The following HSPD1 variants were observed in gnomAD, a reference collection of about 807,000 sequenced individuals.
HSPD1 encodes 60 kDa heat shock protein, mitochondrial.
Under a neutral mutation model 53.0 loss-of-function variants are expected in HSPD1, and 3 were observed. The ratio of observed to expected loss-of-function variants is 0.06; its 90% CI spans 0.03 to 0.15. HSPD1 has a LOEUF of 0.15. Ranked by LOEUF, HSPD1 falls within the 10% of genes least tolerant of loss-of-function variation. The pLI is 1.00. For synonymous variants in HSPD1, 200 were observed against 228.0 expected, an observed-to-expected ratio of 0.88 and a Z score of 1.10; for missense variants, 431 against 694.1, an observed-to-expected ratio of 0.62 and a Z score of 4.26.
chr2:197,494,759 T>C lies in HSPD1; in HGVS notation c.511-7A>G, dbSNP rs751941428. On this transcript the variant is annotated splice_region_variant and splice_polypyrimidine_tract_variant and intron_variant, in intron 4 of 11. Coordinates refer to ENST00000388968, the MANE Select transcript of HSPD1 (RefSeq NM_002156.5). ...TTGCAGAAATCGTAGCAACCTGAAA[T>C]AATCCAGTTACTCTTCGAAATTAAA... The C allele has an allele frequency of 1.9e-6, 3 of 1,581,184 alleles. No homozygotes were observed. Among genetic ancestry groups the C allele is most frequent in the Non-Finnish European group, 8.7e-7 (1 of 1,150,246 alleles).
intron 9 of HSPD1, 143 bp from the exon 10 acceptor site, chr2:197,488,634 T>G: frequency 1.2e-6 from 1 of 806,850 alleles, no homozygotes; most frequent in Non-Finnish European, 2.2e-6. Flanking sequence ...TTTGGGAGGC[T>G]GAGGTGAGTG....
At position 197,497,318 on chromosome 2, in the gene HSPD1, T is replaced by C. The variant is rs1365111087; in HGVS notation, c.249A>G (p.Ser83=). 1.9e-6 allele frequency: 3 copies of C among 1,613,370 alleles called. No homozygotes were observed. The highest frequency in any genetic ancestry group is 1.7e-5 in the Admixed American group (1 of 60,018). The change falls in exon 3 of 12, where the codon TCA becomes TCG. Residue 83 remains serine, a synonymous_variant. Transcript: ENST00000388968. ...TTTTGTATTTATCTTTTAAGTCAATTGACTTTGCAACAGTCACACCATCTT... is the reference window on the plus strand; with the variant it reads ...TTTTGTATTTATCTTTTAAGTCAATCGACTTTGCAACAGTCACACCATCTT... ...VTKDGVTVAK[S]IDLKDKYKNI... is the part of the protein sequence containing the mutation.
chr2:197,495,686 T>C (rs1484190446), intron 3 of HSPD1, among the ~76,000 whole-genome samples: 1 of 152,098 alleles, frequency 6.6e-6, no homozygotes, highest in Non-Finnish European at 1.5e-5. Flanking sequence ...CTTGAACTCC[T>C]GGGCTCAAGC....
chr2:197,489,681 G>T (rs1011186176), intron 8 of HSPD1, among the ~76,000 whole-genome samples: 3 of 151,968 alleles, frequency 2.0e-5, no homozygotes, highest in African/African-American at 7.3e-5. Context: ...AATACAGTGA[G>T]ACCCGTCATT....
intron 7 of HSPD1, among the ~76,000 whole-genome samples, chr2:197,490,831 T>C (rs2106073137): frequency 6.6e-6 from 1 of 152,340 alleles, no homozygotes; most frequent in South Asian, 2.1e-4. Flanking sequence ...TGAGGGTCAT[T>C]TAATAAACAT....
intron 7 of HSPD1, 48 bp from the exon 8 acceptor site, chr2:197,490,344 A>G (rs1368244225): frequency 7.4e-7 from 1 of 1,359,846 alleles, no homozygotes. Context: ...AAAAATGCCT[A>G]TCTGTTTAAT....
chr2:197,495,359 C>G lies in HSPD1; in HGVS notation c.445G>C (p.Asp149His), dbSNP rs781225976. The change falls in exon 4 of 12, where the codon GAT (aspartate) becomes CAT (histidine). Residue 149 changes from aspartate (D) to histidine (H), a missense_variant. Physicochemically the swap from Asp to His is moderately conservative, Grantham distance 81. This residue lies in a region of HSPD1 where 386 missense variants were observed against 657.6 expected (regional missense o/e 0.59). Transcript: ENST00000388968. Reference protein sequence around the residue: ...EIRRGVMLAVDAVIAELKKQS... With the variant: ...EIRRGVMLAVHAVIAELKKQS... ...TTTTTAAGTTCAGCAATTACAGCAT[C>G]AACAGCTAACATCACACCTAGTTCA... is the stretch of plus-strand genomic sequence containing the variant. 1 of 1,605,470 alleles carries G rather than the reference C, an allele frequency of 6.2e-7. No individual in the cohort carries two copies.
rs766238588 is a variant in HSPD1, at chr2:197,490,330, A to T, written c.870-34T>A. ...AATAGTTGATAGTAAGATTTAAATG[A>T]AATAAAAATGCCTATCTGTTTAATT... On this transcript the variant is annotated intron_variant, in intron 7 of 11. Coordinates refer to ENST00000388968, the MANE Select transcript of HSPD1 (RefSeq NM_002156.5). 9 of 1,479,088 alleles carry T rather than the reference A, an allele frequency of 6.1e-6. No individual in the cohort carries two copies. The East Asian group carries it at 9.0e-5, about 15-fold the overall frequency. The allele number at this position is 1,479,088 out of a possible 1,614,324, so 91.6% of individuals were successfully genotyped here. A position where few individuals can be genotyped will look rare whatever the true frequency, so the allele number is the denominator to read the frequency against.
rs367646361 is a variant in HSPD1 at position 197,493,520 on chromosome 2, T to C, written c.701-28A>G. 7.7e-6 allele frequency: 12 copies of C among 1,554,142 alleles called. No homozygotes were observed. The Middle Eastern group carries it at 1.2e-3, about 152-fold the overall frequency. On this transcript the variant is annotated intron_variant, in intron 6 of 11. Transcript: ENST00000388968. ...GTAAAAATAATGAAGATTTCAAAAA[T>C]ATACAAAAAATGACTGCAATACATT...
rs1410330375 is a variant in HSPD1, at chr2:197,493,414, G to C, written c.779C>G (p.Ala260Gly). 1 of 1,612,906 alleles carries C rather than the reference G, an allele frequency of 6.2e-7. No homozygotes were observed. Among genetic ancestry groups the C allele is most frequent in the Admixed American group, 1.7e-5 (1 of 59,980 alleles). Residue 260 changes from alanine (A) to glycine (G), a missense_variant, in exon 7 of 12, where the codon GCT becomes GGT. Ala to Gly is a moderately conservative substitution (Grantham distance 60). Coordinates refer to ENST00000388968, the MANE Select transcript of HSPD1 (RefSeq NM_002156.5). ...KISSIQSIVPALEIANAHRKP... is the reference protein window; with the variant it reads ...KISSIQSIVPGLEIANAHRKP... ...ACGGTGAGCATTGGCAATTTCAAGAGCAGGTACAATGGACTGGATACTAGA... is the reference window on the plus strand; with the variant it reads ...ACGGTGAGCATTGGCAATTTCAAGACCAGGTACAATGGACTGGATACTAGA...
chr2:197,487,433 G>C (rs1276909709), intron 11 of HSPD1, among the ~76,000 whole-genome samples: 1 of 152,134 alleles, frequency 6.6e-6, no homozygotes, highest in East Asian at 1.9e-4. Context: ...TGTAATCCCA[G>C]CTACTCAGGA....
intron 7 of HSPD1, 69 bp from the exon 8 acceptor site, chr2:197,490,365 C>A: frequency 8.3e-7 from 1 of 1,211,458 alleles, no homozygotes; most frequent in South Asian, 1.2e-5. Flanking sequence ...TCCCCTCAAG[C>A]TGTTACTAGA....
At chr2:197,490,413 G>GTA in intron 7 of HSPD1, 117 bp from the exon 8 acceptor site, 4 of 766,292 alleles carry the variant, frequency 5.2e-6, no homozygotes, top group Admixed American at 2.5e-5. Flanking sequence ...TTTGGTTTTT[G>GTA]TGTTTTTTTG....
At chr2:197,499,235 A>G (rs890887570) in intron 1 of HSPD1, 2 of 340,050 alleles carry the variant, frequency 5.9e-6, no homozygotes, top group South Asian at 5.1e-5. Context: ...CCAAGTGACC[A>G]GGGAAGTTAA....
At chr2:197,498,944 G>C (rs1394028760) in intron 1 of HSPD1, 94 bp from the exon 2 acceptor site, 4 of 1,155,166 alleles carry the variant, frequency 3.5e-6, no homozygotes, top group Admixed American at 2.0e-5. Flanking sequence ...AGCAACGTGA[G>C]ATGCTGAGCC....
At chr2:197,497,099 AC>A in intron 3 of HSPD1, 40 bp downstream of exon 3, 2 of 1,602,478 alleles carry the variant, frequency 1.2e-6, no homozygotes, top group Non-Finnish European at 1.7e-6. Flanking sequence ...CTTAAAGCAC[AC>A]TGAAGTTTAG....
At chr2:197,490,346 C>G in intron 7 of HSPD1, 50 bp from the exon 8 acceptor site, 2 of 1,341,828 alleles carry the variant, frequency 1.5e-6, no homozygotes, top group Non-Finnish European at 2.1e-6. Flanking sequence ...AAATGCCTAT[C>G]TGTTTAATTC....
chr2:197,488,176 A>G, intron 10 of HSPD1, 140 bp from the exon 11 acceptor site: 1 of 995,756 alleles, frequency 1.0e-6, no homozygotes, highest in Non-Finnish European at 1.6e-6. Flanking sequence ...GATGTGATGC[A>G]TGTTTAGCTC....
rs770933046 is a variant in HSPD1 at position 197,488,302 on chromosome 2, A to G, written c.1390+15T>C. The G allele has an allele frequency of 5.0e-6, 8 of 1,612,640 alleles. No individual in the cohort carries two copies. Among genetic ancestry groups the G allele is most frequent in the Non-Finnish European group, 5.9e-6 (7 of 1,178,734 alleles). ...AAAATCAGGCCACAAACTCATTTAA[A>G]AGGTAACTTTTTACCAATTTTTTGA... On this transcript the variant is annotated intron_variant, in intron 10 of 11. Transcript: ENST00000388968.
Sources: gnomAD v4.1 joint callset for allele counts (sites outside exome capture counted in the v4.1 genomes callset) on GRCh38, gnomAD v4.1.1 for gene constraint, gnomAD v4.1.1 regional missense constraint, MANE v1.5 for transcripts, NCBI Gene and HGNC (gene_info 2026-07-23, HGNC 2026-07-21) for gene names.